Variants in EDARADD observed in about 807,000 individuals in gnomAD.
The protein encoded by EDARADD is ectodysplasin-A receptor-associated adapter protein.
A neutral mutation model predicts 25.6 loss-of-function variants in EDARADD; 20 were observed. The observed-to-expected ratio is 0.78, with a 90% confidence interval of 0.55 to 1.14. The LOEUF is 1.14. Among genes scored for constraint, EDARADD ranks in the 50% most tolerant of loss-of-function variants. The pLI, the probability that EDARADD is intolerant of heterozygous loss-of-function variation, is 0.00. For missense variants in EDARADD, 225 were observed against 270.1 expected (o/e 0.83, Z 1.17); for synonymous variants, 86 against 94.4 (o/e 0.91, Z 0.52).
At position 236,483,956 on chromosome 1, in the gene EDARADD, C is replaced by T. The variant is rs967882429; in HGVS notation, c.*1307C>T. On this transcript the variant is annotated 3_prime_UTR_variant, in exon 6 of 6. Coordinates refer to ENST00000334232, the MANE Select transcript of EDARADD (RefSeq NM_145861.4). ...AGTATGACCTGGAATTCAAGTTTCTCGACGACCCCACCAGGTACATCTCAC... is the reference window on the plus strand; with the variant it reads ...AGTATGACCTGGAATTCAAGTTTCTTGACGACCCCACCAGGTACATCTCAC... 84 of 1,369,346 alleles carry T rather than the reference C, an allele frequency of 6.1e-5. 1 individual carries two copies. The South Asian group carries it at 6.8e-4, about 11-fold the overall frequency. 84.8% of individuals were successfully genotyped at this position (1,369,346 alleles called of 1,614,324 possible).
At chr1:236,424,808 A>G (rs935338840) in intron 3 of EDARADD, among the ~76,000 whole-genome samples, 5 of 152,222 alleles carry the variant, frequency 3.3e-5, no homozygotes, top group African/African-American at 4.8e-5. Context: ...GTGCTGGCCT[A>G]TAACCCAGAG....
At chr1:236,364,099 C>T (rs771703123) in intron 3 of EDARADD, among the ~76,000 whole-genome samples, 4 of 151,732 alleles carry the variant, frequency 2.6e-5, no homozygotes, top group Non-Finnish European at 4.4e-5. Flanking sequence ...TTGCAGTGAG[C>T]CAAGATTGCA....
chr1:236,462,484 A>G (rs994687471), intron 4 of EDARADD, among the ~76,000 whole-genome samples: 1 of 151,600 alleles, frequency 6.6e-6, no homozygotes, highest in African/African-American at 2.4e-5. Flanking sequence ...CCATCAATCT[A>G]TCCGTGTCTC....
chr1:236,428,379 C>T (rs1411463549), intron 4 of EDARADD, among the ~76,000 whole-genome samples: 1 of 152,216 alleles, frequency 6.6e-6, no homozygotes, highest in Admixed American at 6.5e-5. Flanking sequence ...TCTTTCCACA[C>T]AGACGCAGTA....
intron 2 of EDARADD, 131 bp from the exon 3 acceptor site, chr1:236,414,129 T>C (rs913039788): frequency 3.9e-6 from 3 of 772,938 alleles, no homozygotes; most frequent in African/African-American, 1.7e-5. Flanking sequence ...ATAAGGCCAG[T>C]TGATAAGTTT....
chr1:236,467,822 A>G (rs548947836), intron 4 of EDARADD, among the ~76,000 whole-genome samples: 2 of 151,960 alleles, frequency 1.3e-5, no homozygotes, highest in Admixed American at 6.6e-5. Flanking sequence ...CAGTGTCTCA[A>G]TCATAGCTCA....
intron 4 of EDARADD, among the ~76,000 whole-genome samples, chr1:236,459,251 G>A (rs1057112827): frequency 4.6e-5 from 7 of 152,072 alleles, no homozygotes; most frequent in African/African-American, 1.7e-4. Context: ...CCATAGCCCC[G>A]TGCTCTACTT....
chr1:236,483,406 A>C lies in EDARADD; in HGVS notation c.*757A>C, dbSNP rs201197563. 3.7e-4 allele frequency: 455 copies of C among 1,218,754 alleles called. 1 individual carries two copies. The highest frequency in any genetic ancestry group is 5.0e-4 in the Non-Finnish European group (413 of 822,286). 75.5% of individuals were successfully genotyped at this position (1,218,754 alleles called of 1,614,324 possible). Reference sequence around the variant, plus strand: ...ATTGCACCTGTCCTGGTTAGCAAGAAACTGAACGTCACAGAACAAGAGAAG... The same window carrying C: ...ATTGCACCTGTCCTGGTTAGCAAGACACTGAACGTCACAGAACAAGAGAAG... On this transcript the variant is annotated 3_prime_UTR_variant, in exon 6 of 6. Coordinates refer to ENST00000334232, the MANE Select transcript of EDARADD (RefSeq NM_145861.4).
chr1:236,352,542 C>T (rs1245107217), intron 3 of EDARADD, among the ~76,000 whole-genome samples: 3 of 151,976 alleles, frequency 2.0e-5, no homozygotes, highest in Non-Finnish European at 4.4e-5. Context: ...CCCATATCTA[C>T]AAGAAATAAA....
intron 5 of EDARADD, among the ~76,000 whole-genome samples, chr1:236,471,012 G>A (rs1659345604): frequency 6.6e-6 from 1 of 152,202 alleles, no homozygotes; most frequent in Non-Finnish European, 1.5e-5. Context: ...CAAAGTGCTG[G>A]CATTACAGGC....
chr1:236,452,219 G>T (rs1253629), intron 4 of EDARADD, among the ~76,000 whole-genome samples: 1 of 152,028 alleles, frequency 6.6e-6, no homozygotes, highest in African/African-American at 2.4e-5. Flanking sequence ...GCTTGGATGG[G>T]GCAGAGAGCA....
At chr1:236,429,574 G>A (rs1031311972) in intron 4 of EDARADD, among the ~76,000 whole-genome samples, 1 of 149,904 alleles carries the variant, frequency 6.7e-6, no homozygotes, top group African/African-American at 2.4e-5. Context: ...TAGTAGAGAC[G>A]GGGTTTTGCC....
At chr1:236,467,449 C>CACACACACACAT (rs1553270580) in intron 4 of EDARADD, among the ~76,000 whole-genome samples, 1 of 151,454 alleles carries the variant, frequency 6.6e-6, no homozygotes, top group Non-Finnish European at 1.5e-5. Context: ...CACACACACA[C>CACACACACACAT]ACACACATAC....
At chr1:236,393,668 G>T (rs977334537), upstream of EDARADD, among the ~76,000 whole-genome samples, 3 of 151,890 alleles carry the variant, frequency 2.0e-5, no homozygotes. Flanking sequence ...AAGTGCTGGG[G>T]TTACAGGTGT....
intron 3 of EDARADD, among the ~76,000 whole-genome samples, chr1:236,377,441 C>T (rs1050357463): frequency 4.1e-5 from 6 of 146,004 alleles, no homozygotes; most frequent in Admixed American, 2.0e-4. Context: ...CAGGCGTGAG[C>T]CACCACGCCC....
Position 236,484,060 on chromosome 1 carries a change from A to G in EDARADD, c.*1411A>G. On this transcript the variant is annotated 3_prime_UTR_variant, in exon 6 of 6. Transcript: ENST00000334232. The surrounding 1 kb of genome is among the most constrained non-coding windows in gnomAD (Gnocchi z 4.1). ...TCTACTGAAGATCCCTTTGACCAGG[A>G]TGACTGGGGAGCTTGGCAGAAGTTC... The G allele has an allele frequency of 1.3e-6, 2 of 1,575,670 alleles. No individual in the cohort carries two copies. Among genetic ancestry groups the G allele is most frequent in the Non-Finnish European group, 1.7e-6 (2 of 1,146,556 alleles).
intron 4 of EDARADD, among the ~76,000 whole-genome samples, chr1:236,454,270 G>T (rs909033330): frequency 6.6e-6 from 1 of 152,042 alleles, no homozygotes; most frequent in African/African-American, 2.4e-5. Flanking sequence ...AGATGGTCTC[G>T]ATCTCCTGAC....
chr1:236,363,367 G>C (rs1292861838), intron 3 of EDARADD, among the ~76,000 whole-genome samples: 2 of 151,826 alleles, frequency 1.3e-5, no homozygotes, highest in East Asian at 4.0e-4. Flanking sequence ...TCTTGGTGCT[G>C]TTCTGGTAGT....
rs146073425 is a variant in EDARADD at position 236,366,741 on chromosome 1, C to CTCTCTTTTTTTTT, written c.-6+15903_-6+15904insCTCTTTTTTTTTT. ...CCTGGGTCAGAGAGCTCATCTCTCT[C>CTCTCTTTTTTTTT]TTTTTTTTGTCTCTCAGGGATCATT... is the stretch of plus-strand genomic sequence containing the variant. On this transcript the variant is annotated intron_variant, in intron 3 of 7. Transcript: ENST00000439430. Among the ~76,000 whole-genome samples the CTCTCTTTTTTTTT allele has an allele frequency of 1.2e-4, 17 of 144,292 alleles. No individual in the cohort carries two copies. In the South Asian group the frequency reaches 3.5e-3, roughly 30 times the overall value. The allele number at this position is 144,292 out of a possible 152,430, so 94.7% of individuals were successfully genotyped here.
Sources: gnomAD v4.1 joint callset for allele counts (sites outside exome capture counted in the v4.1 genomes callset) on GRCh38, gnomAD v4.1.1 for gene constraint, Gnocchi (gnomAD v3.1) non-coding constraint, MANE v1.5 for transcripts, NCBI Gene and HGNC (gene_info 2026-07-23, HGNC 2026-07-21) for gene names.